Variants in MAP7 observed in about 807,000 individuals in gnomAD.
MAP7 encodes the protein microtubule associated protein 7.
Under a neutral mutation model 94.8 loss-of-function variants are expected in MAP7, and 52 were observed. The observed-to-expected ratio is 0.55, with a 90% CI of 0.44 to 0.69. The LOEUF is 0.69. MAP7 is among the 30% of genes least tolerant of loss of function. The pLI is 0.00. For synonymous variants in MAP7, 350 were observed against 357.0 expected (o/e 0.98, Z 0.22); for missense variants, 940 against 964.6 (o/e 0.97, Z 0.34).
chr6:136,538,838 T>C (rs1410376270), intron 1 of MAP7, among the ~76,000 whole-genome samples: 14 of 149,438 alleles, frequency 9.4e-5, no homozygotes, highest in Admixed American at 7.3e-4. Context: ...AGGGCTTTTA[T>C]GGGTGTTTAG....
intron 7 of MAP7, 102 bp from the exon 8 acceptor site, chr6:136,372,727 A>G: frequency 6.8e-7 from 1 of 1,463,592 alleles, no homozygotes; most frequent in Non-Finnish European, 9.5e-7. Flanking sequence ...GGTTCAGGAA[A>G]AGGAGCAAAG....
chr6:136,434,833 G>A (rs575955650), intron 1 of MAP7, among the ~76,000 whole-genome samples: 1 of 152,296 alleles, frequency 6.6e-6, no homozygotes, highest in East Asian at 1.9e-4. Flanking sequence ...GCCACAACCT[G>A]GCAAACAGTA....
intron 1 of MAP7, among the ~76,000 whole-genome samples, chr6:136,472,269 T>C (rs1184582616): frequency 6.6e-6 from 1 of 152,200 alleles, no homozygotes; most frequent in East Asian, 1.9e-4. Flanking sequence ...AGGATTTCAC[T>C]GATACAGAGG....
chr6:136,499,836 A>T (rs1305259962), intron 1 of MAP7, among the ~76,000 whole-genome samples: 1 of 152,004 alleles, frequency 6.6e-6, no homozygotes, highest in Non-Finnish European at 1.5e-5. Flanking sequence ...TCATCTCTAC[A>T]AAAATTAAAA....
At chr6:136,412,220 A>G (rs1787716582) in intron 2 of MAP7, among the ~76,000 whole-genome samples, 1 of 152,204 alleles carries the variant, frequency 6.6e-6, no homozygotes, top group Non-Finnish European at 1.5e-5. Flanking sequence ...AAATGAGGAT[A>G]CAATAGAACC....
intron 1 of MAP7, among the ~76,000 whole-genome samples, chr6:136,514,321 A>G (rs1363362722): frequency 6.6e-6 from 1 of 152,236 alleles, no homozygotes; most frequent in Non-Finnish European, 1.5e-5. Context: ...GCAGTGGCTC[A>G]TGCCTGTAAT....
intron 4 of MAP7, 51 bp downstream of exon 4, chr6:136,389,303 G>A: frequency 6.7e-7 from 1 of 1,499,394 alleles, no homozygotes; most frequent in Non-Finnish European, 8.9e-7. Flanking sequence ...AAAGTTTGCT[G>A]CATGTCTGAA....
At chr6:136,419,122 T>G (rs1279612855) in intron 2 of MAP7, among the ~76,000 whole-genome samples, 2 of 152,204 alleles carry the variant, frequency 1.3e-5, no homozygotes, top group African/African-American at 2.4e-5. Flanking sequence ...CTGTGTGCAA[T>G]CTCTCGTCAC....
At chr6:136,504,104 C>T (rs1820639045) in intron 1 of MAP7, among the ~76,000 whole-genome samples, 1 of 152,040 alleles carries the variant, frequency 6.6e-6, no homozygotes. Context: ...GTAAAAGTAG[C>T]AAACTGATAT....
chr6:136,401,211 A>G (rs1675903204), intron 3 of MAP7, among the ~76,000 whole-genome samples: 1 of 152,046 alleles, frequency 6.6e-6, no homozygotes. Context: ...AATTATCTGG[A>G]CTTGTTGGCA....
intron 3 of MAP7, among the ~76,000 whole-genome samples, chr6:136,405,731 T>C (rs1246086576): frequency 6.6e-6 from 1 of 152,212 alleles, no homozygotes; most frequent in Non-Finnish European, 1.5e-5. Flanking sequence ...TGGGAGCCTA[T>C]TGCAGAATCC....
chr6:136,499,613 T>C (rs1317400007), intron 1 of MAP7, among the ~76,000 whole-genome samples: 3 of 152,076 alleles, frequency 2.0e-5, no homozygotes, highest in Non-Finnish European at 4.4e-5. Flanking sequence ...ATCTATAAAG[T>C]GTCAGACAGG....
At chr6:136,355,337 T>G (rs1790589646) in intron 16 of MAP7, among the ~76,000 whole-genome samples, 2 of 151,468 alleles carry the variant, frequency 1.3e-5, no homozygotes, top group African/African-American at 4.8e-5. Context: ...AAAAATCTAA[T>G]TAAAACTAAG....
intron 1 of MAP7, among the ~76,000 whole-genome samples, chr6:136,505,251 ATG>A (rs67294964): frequency 0.024 from 2,090 of 86,726 alleles, 42 homozygotes; most frequent in Middle Eastern, 0.042. Context: ...TTTCCATGTA[ATG>A]TGTGTGTGTG....
chr6:136,520,939 T>C (rs1026294714), intron 1 of MAP7, among the ~76,000 whole-genome samples: 9 of 152,110 alleles, frequency 5.9e-5, no homozygotes, highest in African/African-American at 1.4e-4. Context: ...CTAGGTGCCA[T>C]GCTAAGGGGC....
intron 1 of MAP7, among the ~76,000 whole-genome samples, chr6:136,523,963 G>A (rs1827133615): frequency 6.6e-6 from 1 of 152,156 alleles, no homozygotes; most frequent in Admixed American, 6.5e-5. Context: ...GAAGAGGGCA[G>A]GGCGCAGTGA....
At chr6:136,379,781 T>G (rs1462270538) in intron 6 of MAP7, among the ~76,000 whole-genome samples, 1 of 152,268 alleles carries the variant, frequency 6.6e-6, no homozygotes, top group East Asian at 1.9e-4. Flanking sequence ...ACCAAAAAAT[T>G]TATCTCAAAT....
At chr6:136,439,208 G>A (rs1057319043) in intron 1 of MAP7, among the ~76,000 whole-genome samples, 8 of 152,264 alleles carry the variant, frequency 5.3e-5, no homozygotes, top group African/African-American at 1.7e-4. Flanking sequence ...GGGCCTTCAG[G>A]TGATTAAGTC....
chr6:136,350,137 A>G (rs1788747296), intron 16 of MAP7, among the ~76,000 whole-genome samples: 1 of 152,186 alleles, frequency 6.6e-6, no homozygotes, highest in Admixed American at 6.5e-5. Context: ...TTCTACCACT[A>G]TACTTGCATG....
Sources: allele counts gnomAD v4.1 joint callset (sites outside exome capture counted in the v4.1 genomes callset), GRCh38; gene constraint gnomAD v4.1.1; transcripts MANE v1.5; gene names NCBI Gene and HGNC (gene_info 2026-07-23, HGNC 2026-07-21).